GATAD2B: variants seen among roughly 807,000 people sequenced by gnomAD.
GATAD2B encodes GATA zinc finger domain containing 2B.
GATAD2B carries 8 observed loss-of-function variants against 64.3 expected under a neutral mutation model. The ratio of observed to expected loss-of-function variants is 0.12; its 90% CI spans 0.07 to 0.22. GATAD2B has a LOEUF of 0.22. Ranked by LOEUF, GATAD2B falls within the 10% of genes least tolerant of loss-of-function variation. The probability of loss-of-function intolerance (pLI) is 1.00; values close to 1 mark genes in which losing one functional copy is unlikely to be tolerated. For synonymous variants in GATAD2B, 281 were observed against 271.3 expected, an observed-to-expected ratio of 1.04 and a Z score of -0.35; for missense variants, 453 against 752.0, an observed-to-expected ratio of 0.60 and a Z score of 4.65.
chr1:153,919,013 A>G (rs1678349655), intron 1 of GATAD2B, among the ~76,000 whole-genome samples: 1 of 152,174 alleles, frequency 6.6e-6, no homozygotes, highest in African/African-American at 2.4e-5. Context: ...CAGTAAGAGA[A>G]TGGCTCAGGA....
chr1:153,895,501 G>A (rs1298780116), intron 1 of GATAD2B, among the ~76,000 whole-genome samples: 2 of 151,180 alleles, frequency 1.3e-5, no homozygotes, highest in Non-Finnish European at 3.0e-5. Flanking sequence ...GATCACTTAA[G>A]CCCAAGAGAT....
At chr1:153,813,978 A>AAC (rs1557779456) in intron 7 of GATAD2B, among the ~76,000 whole-genome samples, 1 of 152,134 alleles carries the variant, frequency 6.6e-6, no homozygotes, top group Non-Finnish European at 1.5e-5. Flanking sequence ...ACTCAGTCTC[A>AAC]AACAACAACA....
chr1:153,921,075 T>G (rs1052578990), intron 1 of GATAD2B, among the ~76,000 whole-genome samples: 2 of 152,118 alleles, frequency 1.3e-5, no homozygotes, highest in African/African-American at 4.8e-5. Flanking sequence ...AACTAAGTAC[T>G]GACAGAAATA....
chr1:153,919,443 G>A (rs1022435544), intron 1 of GATAD2B, among the ~76,000 whole-genome samples: 1 of 152,108 alleles, frequency 6.6e-6, no homozygotes, highest in Non-Finnish European at 1.5e-5. Context: ...ACATGAGGAG[G>A]GGTCTGTTTC....
chr1:153,875,912 A>T lies in GATAD2B; in HGVS notation c.-2+46821T>A, dbSNP rs570359558. On this transcript the variant is annotated intron_variant, in intron 1 of 10. Coordinates refer to ENST00000368655, the MANE Select transcript of GATAD2B (RefSeq NM_020699.4). The stretch of plus-strand genomic sequence containing the variant: ...CCTGTTAGAGAGAAAAGAAAAACAG[A>T]TAAACTGAGTAACTTCATACGATTT... 3.3e-5 allele frequency among the ~76,000 whole-genome samples: 5 copies of T among 152,180 alleles called. No individual in the cohort carries two copies. In the East Asian group the frequency reaches 9.6e-4, roughly 29 times the overall value.
chr1:153,815,081 CAAAAAAAAAAAAAAAAAAA>C (rs58874063), intron 7 of GATAD2B, among the ~76,000 whole-genome samples: 2 of 25,374 alleles, frequency 7.9e-5, no homozygotes, highest in South Asian at 3.8e-3. Flanking sequence ...GACTCTGTCT[CAAAAAAAAAAAAAAAAAAA>C]AAAAAAAAAA....
At chr1:153,811,015 T>C (rs1020388704) in intron 10 of GATAD2B, among the ~76,000 whole-genome samples, 5 of 152,184 alleles carry the variant, frequency 3.3e-5, no homozygotes, top group Admixed American at 6.5e-5. Flanking sequence ...TCCACTCGCT[T>C]TGGCCTCCCA....
At chr1:153,848,953 AC>A (rs1032385070) in intron 1 of GATAD2B, among the ~76,000 whole-genome samples, 6 of 148,812 alleles carry the variant, frequency 4.0e-5, no homozygotes, top group African/African-American at 1.5e-4. Context: ...TCATCTCAAA[AC>A]AAAGCAAAAA....
At chr1:153,904,317 A>AATAT (rs1384225033) in intron 1 of GATAD2B, among the ~76,000 whole-genome samples, 1 of 150,262 alleles carries the variant, frequency 6.7e-6, no homozygotes, top group African/African-American at 2.4e-5. Flanking sequence ...TAAATAAATA[A>AATAT]ATATTAGCTT....
At chr1:153,880,717 G>T (rs536564805) in intron 1 of GATAD2B, among the ~76,000 whole-genome samples, 1 of 151,936 alleles carries the variant, frequency 6.6e-6, no homozygotes, top group East Asian at 1.9e-4. Context: ...GGTGGTACAC[G>T]CCTGCAGTCC....
chr1:153,914,120 G>A (rs1333922356), intron 1 of GATAD2B, among the ~76,000 whole-genome samples: 1 of 148,790 alleles, frequency 6.7e-6, no homozygotes, highest in African/African-American at 2.5e-5. Context: ...GCAGGCGCCT[G>A]TAATCCCAGC....
chr1:153,841,124 C>CAAAAAAAAAA (rs941317761), intron 1 of GATAD2B, among the ~76,000 whole-genome samples: 1 of 77,432 alleles, frequency 1.3e-5, no homozygotes, highest in African/African-American at 5.5e-5. Context: ...GACTCCGTCT[C>CAAAAAAAAAA]AAAAAAAAAA....
chr1:153,823,072 A>G (rs1674739055), intron 2 of GATAD2B, among the ~76,000 whole-genome samples: 1 of 152,214 alleles, frequency 6.6e-6, no homozygotes, highest in Non-Finnish European at 1.5e-5. Context: ...GGCGTGAGCC[A>G]CCATGCCCTG....
intron 1 of GATAD2B, among the ~76,000 whole-genome samples, chr1:153,832,601 AC>A (rs2101895192): frequency 6.6e-6 from 1 of 152,346 alleles, no homozygotes; most frequent in East Asian, 1.9e-4. Flanking sequence ...AGCTGAGATA[AC>A]CCACAAAAGT....
chr1:153,834,638 C>A (rs1009783998), intron 1 of GATAD2B, among the ~76,000 whole-genome samples: 2 of 152,152 alleles, frequency 1.3e-5, no homozygotes, highest in African/African-American at 4.8e-5. Context: ...GATCTGCCTG[C>A]CTCGGCTTCC....
At chr1:153,858,682 G>C (rs1676170286) in intron 1 of GATAD2B, among the ~76,000 whole-genome samples, 1 of 152,160 alleles carries the variant, frequency 6.6e-6, no homozygotes, top group African/African-American at 2.4e-5. Context: ...AGTGAGCCAT[G>C]ACTGTATCAC....
intron 1 of GATAD2B, among the ~76,000 whole-genome samples, chr1:153,908,103 T>G (rs1161352990): frequency 2.0e-5 from 3 of 152,100 alleles, no homozygotes; most frequent in African/African-American, 7.2e-5. Context: ...ACGCCCAGCC[T>G]AAGATGGTAA....
chr1:153,837,983 AT>A (rs970340025), intron 1 of GATAD2B, among the ~76,000 whole-genome samples: 3 of 152,024 alleles, frequency 2.0e-5, no homozygotes, highest in Admixed American at 6.6e-5. Flanking sequence ...TTACTTATAT[AT>A]TTTTTTTCTC....
At chr1:153,844,446 T>C (rs1168975275) in intron 1 of GATAD2B, among the ~76,000 whole-genome samples, 1 of 148,356 alleles carries the variant, frequency 6.7e-6, no homozygotes, top group Non-Finnish European at 1.5e-5. Context: ...AAAGCAAAGT[T>C]GACAAATACA....
Sources: allele counts gnomAD v4.1 joint callset (sites outside exome capture counted in the v4.1 genomes callset), GRCh38; gene constraint gnomAD v4.1.1; transcripts MANE v1.5; gene names NCBI Gene and HGNC (gene_info 2026-07-23, HGNC 2026-07-21).